Variants in ADGRL3 observed in about 807,000 individuals in gnomAD.
ADGRL3 encodes the protein calcium-independent alpha-latrotoxin receptor 3.
Under a neutral mutation model 153.5 loss-of-function variants are expected in ADGRL3, and 62 were observed. The observed-to-expected ratio is 0.40, with a 90% CI of 0.33 to 0.50. ADGRL3 has a LOEUF of 0.50. Ranked by LOEUF, ADGRL3 falls within the 20% of genes least tolerant of loss-of-function variation. The probability of loss-of-function intolerance (pLI) is 0.47; values close to 1 mark genes in which losing one functional copy is unlikely to be tolerated. For synonymous variants in ADGRL3, 710 were observed against 672.5 expected (o/e 1.06, Z -0.86); for missense variants, 1,641 against 1,859.4 (o/e 0.88, Z 2.16).
chr4:61,884,685 C>T (rs1276470579), intron 9 of ADGRL3, among the ~76,000 whole-genome samples: 1 of 151,866 alleles, frequency 6.6e-6, no homozygotes, highest in Non-Finnish European at 1.5e-5. Context: ...AGTGCAATGG[C>T]GCGATCTTGG....
chr4:61,272,407 G>A (rs796675733), intron 1 of ADGRL3, among the ~76,000 whole-genome samples: 37 of 151,894 alleles, frequency 2.4e-4, no homozygotes, highest in African/African-American at 8.9e-4. Context: ...AAAATTAATT[G>A]GTAAGAATAA....
At position 61,511,187 on chromosome 4, in the gene ADGRL3, C is replaced by G. The variant is rs144147709; in HGVS notation, c.56-6128C>G. Among the ~76,000 whole-genome samples the G allele has an allele frequency of 4.1e-3, 626 of 152,184 alleles. 6 individuals are homozygous for G. The highest frequency in any genetic ancestry group is 5.5e-3 in the Non-Finnish European group (377 of 67,988). ...ACCCTTGCCAACTTGGTGAAACCCT[C>G]TCTCTACTAAAGATACAAAAAAATT... On this transcript the variant is annotated intron_variant, in intron 3 of 26. Transcript: ENST00000683033.
chr4:61,601,306 A>G (rs943634409), intron 5 of ADGRL3, among the ~76,000 whole-genome samples: 5 of 152,176 alleles, frequency 3.3e-5, no homozygotes, highest in Non-Finnish European at 7.4e-5. Flanking sequence ...ATAGAACTAT[A>G]TATACTCTTT....
intron 16 of ADGRL3, 77 bp from the exon 17 acceptor site, chr4:61,948,023 T>C: frequency 2.5e-6 from 3 of 1,183,500 alleles, no homozygotes; most frequent in Non-Finnish European, 3.6e-6. Flanking sequence ...AGTTGTATTA[T>C]ATGTAAAGAA....
intron 2 of ADGRL3, among the ~76,000 whole-genome samples, chr4:61,406,893 T>A (rs1345432952): frequency 6.6e-6 from 1 of 152,026 alleles, no homozygotes; most frequent in Admixed American, 6.6e-5. Context: ...CTAATAACAG[T>A]ATGCTACATA....
intron 1 of ADGRL3, among the ~76,000 whole-genome samples, chr4:61,330,896 C>A (rs1275113517): frequency 3.3e-5 from 5 of 152,158 alleles, no homozygotes; most frequent in African/African-American, 1.2e-4. Context: ...CACAAAAGTT[C>A]TCCAAGCCCC....
intron 1 of ADGRL3, among the ~76,000 whole-genome samples, chr4:61,296,157 T>G (rs1194844332): frequency 6.6e-6 from 1 of 152,184 alleles, no homozygotes; most frequent in Non-Finnish European, 1.5e-5. Context: ...CACTAATTTT[T>G]TGGATAAGAA....
chr4:61,732,779 A>T lies in ADGRL3; in HGVS notation c.624A>T (p.Lys208Asn). Residue 208 changes from lysine (K) to asparagine (N), a missense_variant, in exon 8 of 27, where the codon AAA becomes AAT. Physicochemically the swap from Lys to Asn is moderately conservative, Grantham distance 94. Coordinates refer to ENST00000683033, the MANE Select transcript of ADGRL3 (RefSeq NM_001387552.1). ...QKVFLCPGLL[K>N]GVYQSEHLFE... ...TTTTTCTTTGTCCTGGACTACTAAAAGGAGTATACCAGAGTGAACATTTGT... is the reference window on the plus strand; with the variant it reads ...TTTTTCTTTGTCCTGGACTACTAAATGGAGTATACCAGAGTGAACATTTGT... The T allele has an allele frequency of 6.3e-7, 1 of 1,580,346 alleles. No individual in the cohort carries two copies. The highest frequency in any genetic ancestry group is 8.6e-7 in the Non-Finnish European group (1 of 1,162,860).
At chr4:61,511,721 T>C (rs909682574) in intron 3 of ADGRL3, among the ~76,000 whole-genome samples, 10 of 152,162 alleles carry the variant, frequency 6.6e-5, no homozygotes, top group African/African-American at 2.4e-4. Flanking sequence ...AGGTATACCA[T>C]AAAATTGGCT....
chr4:61,823,547 A>C (rs2097774175), intron 9 of ADGRL3, among the ~76,000 whole-genome samples: 1 of 152,088 alleles, frequency 6.6e-6, no homozygotes, highest in South Asian at 2.1e-4. Flanking sequence ...TATTTCATTA[A>C]TCTCCCAAAT....
chr4:61,204,110 T>C (rs1736067496), intron 1 of ADGRL3, among the ~76,000 whole-genome samples: 1 of 152,224 alleles, frequency 6.6e-6, no homozygotes, highest in East Asian at 1.9e-4. Context: ...TTAAAAAGTA[T>C]AGGGCTGTTA....
At chr4:61,664,245 G>A in intron 5 of ADGRL3, among the ~76,000 whole-genome samples, 1 of 152,064 alleles carries the variant, frequency 6.6e-6, no homozygotes, top group East Asian at 1.9e-4. Context: ...TTCTGTAGGT[G>A]TTATGTAAAA....
At chr4:61,558,412 A>G (rs1265742003) in intron 4 of ADGRL3, among the ~76,000 whole-genome samples, 1 of 151,756 alleles carries the variant, frequency 6.6e-6, no homozygotes, top group East Asian at 1.9e-4. Flanking sequence ...ATATTTAGCT[A>G]TTTGGTAATC....
At chr4:61,653,295 A>C (rs2094333798) in intron 5 of ADGRL3, among the ~76,000 whole-genome samples, 2 of 152,106 alleles carry the variant, frequency 1.3e-5, no homozygotes, top group Non-Finnish European at 1.5e-5. Flanking sequence ...TGGGCCTTGC[A>C]CTGGGACTTG....
intron 1 of ADGRL3, among the ~76,000 whole-genome samples, chr4:61,275,342 T>C (rs2149866860): frequency 6.6e-6 from 1 of 152,298 alleles, no homozygotes; most frequent in East Asian, 1.9e-4. Context: ...TAAAACACTT[T>C]CTTCAGTAGT....
intron 1 of ADGRL3, among the ~76,000 whole-genome samples, chr4:61,376,875 A>G (rs753504705): frequency 1.6e-4 from 24 of 152,142 alleles, no homozygotes; most frequent in African/African-American, 2.4e-5. Flanking sequence ...TTGAAGAAGG[A>G]ATTGATTGTG....
At chr4:61,390,743 G>A (rs1293566171) in intron 2 of ADGRL3, among the ~76,000 whole-genome samples, 2 of 152,074 alleles carry the variant, frequency 1.3e-5, no homozygotes. Context: ...AACCTGTAGA[G>A]AATTGTGTAA....
chr4:61,352,336 G>A (rs897354158), intron 1 of ADGRL3, among the ~76,000 whole-genome samples: 2 of 151,888 alleles, frequency 1.3e-5, no homozygotes, highest in South Asian at 2.1e-4. Context: ...ATTAAGATAT[G>A]TACTTTTTTT....
At chr4:61,235,843 C>T (rs1752572073) in intron 1 of ADGRL3, among the ~76,000 whole-genome samples, 1 of 151,968 alleles carries the variant, frequency 6.6e-6, no homozygotes, top group Non-Finnish European at 1.5e-5. Context: ...TAGGTGGGAC[C>T]CCTAATATCC....
Sources: gnomAD v4.1 joint callset for allele counts (sites outside exome capture counted in the v4.1 genomes callset) on GRCh38, gnomAD v4.1.1 for gene constraint, MANE v1.5 for transcripts, NCBI Gene and HGNC (gene_info 2026-07-23, HGNC 2026-07-21) for gene names.